Variants in MYO7B observed in about 807,000 individuals in gnomAD.
MYO7B encodes the protein myosin VIIB, also known as unconventional myosin-VIIb.
In MYO7B, 212 loss-of-function variants were observed where a neutral mutation model predicts 259.7. The observed-to-expected ratio is 0.82, with a 90% confidence interval of 0.73 to 0.91. The LOEUF is 0.91. MYO7B is among the 40% of genes least tolerant of loss of function. MYO7B has a pLI of 0.00. For missense variants in MYO7B, 2,732 were observed against 2,813.5 expected, an observed-to-expected ratio of 0.97 and a Z score of 0.66; for synonymous variants, 1,197 against 1,166.4, an observed-to-expected ratio of 1.03 and a Z score of -0.54.
At position 127,566,133 on chromosome 2, in the gene MYO7B, C is replaced by T. The variant is rs1166338092; in HGVS notation, c.286-510C>T. The stretch of plus-strand genomic sequence containing the variant: ...CTTTCCTAAAGTGAAAACCAGGACA[C>T]CATGGTCATGTGGCTTATTGTGCAG... On this transcript the variant is annotated intron_variant, in intron 4 of 47. Coordinates refer to ENST00000409816, the MANE Select transcript of MYO7B (RefSeq NM_001393586.1). Among the ~76,000 whole-genome samples the T allele has an allele frequency of 2.0e-5, 3 of 152,240 alleles. No homozygotes were observed. The East Asian group carries it at 5.8e-4, about 29-fold the overall frequency.
chr2:127,567,916 A>G (rs1021542294), intron 5 of MYO7B, among the ~76,000 whole-genome samples: 1 of 152,158 alleles, frequency 6.6e-6, no homozygotes, highest in South Asian at 2.1e-4. Flanking sequence ...TTCATTAGAT[A>G]GGGGGCAGGC....
intron 26 of MYO7B, among the ~76,000 whole-genome samples, chr2:127,618,515 C>T (rs1680679681): frequency 6.6e-6 from 1 of 152,218 alleles, no homozygotes; most frequent in Non-Finnish European, 1.5e-5. Context: ...AACACTTGTG[C>T]CTGGGTCGTG....
In MYO7B at chr2:127,614,050, G is replaced by T. The variant is rs964199010; in HGVS notation, c.3398+1447G>T. The stretch of plus-strand genomic sequence containing the variant: ...TTTAGCTGCCTGCATGACACTAGCT[G>T]GGCAAGTCTTCTGACTTAGCTGGTT... On this transcript the variant is annotated intron_variant, in intron 26 of 47. Coordinates refer to ENST00000409816, the MANE Select transcript of MYO7B (RefSeq NM_001393586.1). This position sits in a 1 kb window ranked among gnomAD's most constrained non-coding sequence, Gnocchi z 4.6. 1.3e-5 allele frequency among the ~76,000 whole-genome samples: 2 copies of T among 152,168 alleles called. No homozygotes were observed. The highest frequency in any genetic ancestry group is 2.9e-5 in the Non-Finnish European group (2 of 68,020).
At chr2:127,633,977 C>G (rs1288613683) in intron 40 of MYO7B, among the ~76,000 whole-genome samples, 199 bp from the exon 41 acceptor site, 1 of 152,230 alleles carries the variant, frequency 6.6e-6, no homozygotes, top group Non-Finnish European at 1.5e-5. Context: ...GCCTGCAGGG[C>G]CCCAGGACAG....
chr2:127,635,141 A>G lies in MYO7B; in HGVS notation c.5735A>G (p.Tyr1912Cys). The G allele has an allele frequency of 6.2e-7, 1 of 1,613,228 alleles. No homozygotes were observed. Among genetic ancestry groups the G allele is most frequent in the Non-Finnish European group, 8.5e-7 (1 of 1,179,656 alleles). ...CCAGGGGCCCCCGTGACGCTCCCCT[A>G]CCAGGTGTACTTCATGCGGAAATTG... ...QKEGAPVTLPYQVYFMRKLWL... is the reference protein window; with the variant it reads ...QKEGAPVTLPCQVYFMRKLWL... The change falls in exon 43 of 48, where the codon TAC (tyrosine) becomes TGC (cysteine). Residue 1912 changes from tyrosine to cysteine, a missense_variant. Tyr to Cys is a radical substitution (Grantham distance 194, BLOSUM62 -2). Transcript: ENST00000409816.
chr2:127,593,695 T>C (rs910049927), intron 18 of MYO7B, 51 bp downstream of exon 18: 8 of 1,527,364 alleles, frequency 5.2e-6, no homozygotes, highest in Non-Finnish European at 6.3e-6. Context: ...GCATGTGGGC[T>C]TGTCAGCTCT....
In MYO7B at chr2:127,584,240, C is replaced by T; in HGVS notation, c.1462C>T (p.His488Tyr). Reference sequence around the variant, plus strand: ...GGAGAACATCTCCTGGGACTATATCCACTACACCGACAATCGGCCCACCCT... The same window carrying T: ...GGAGAACATCTCCTGGGACTATATCTACTACACCGACAATCGGCCCACCCT... ...RSENISWDYI[H>Y]YTDNRPTLDL... The change falls in exon 13 of 48, where the codon CAC becomes TAC. Residue 488 changes from histidine to tyrosine, a missense_variant. By Grantham distance (83) the His-to-Tyr change is moderately conservative. Transcript: ENST00000409816. The surrounding 1 kb of genome is among the most constrained non-coding windows in gnomAD (Gnocchi z 5.8). 9.9e-6 allele frequency: 16 copies of T among 1,614,006 alleles called. No individual in the cohort carries two copies. Among genetic ancestry groups the T allele is most frequent in the Non-Finnish European group, 1.4e-5 (16 of 1,179,888 alleles).
At chr2:127,563,784 CT>C in intron 2 of MYO7B, among the ~76,000 whole-genome samples, 1 of 152,358 alleles carries the variant, frequency 6.6e-6, no homozygotes, top group South Asian at 2.1e-4. Flanking sequence ...GGATGCAACT[CT>C]TGCTACCGTC....
rs1295289090 is a variant in MYO7B at position 127,590,519 on chromosome 2, T to A, written c.1992+290T>A. On this transcript the variant is annotated intron_variant, in intron 16 of 47. Transcript: ENST00000409816. The surrounding 1 kb of genome is among the most constrained non-coding windows in gnomAD (Gnocchi z 4.6). The stretch of plus-strand genomic sequence containing the variant: ...TGTGAGCCTCAGTTTTCCCTTCTGT[T>A]AAGTCAGACTTGCTCCTGCCTGCAG... Among the ~76,000 whole-genome samples, 1 of 152,246 alleles carries A rather than the reference T, an allele frequency of 6.6e-6. No homozygotes were observed. Among genetic ancestry groups the A allele is most frequent in the African/African-American group, 2.4e-5 (1 of 41,462 alleles).
At chr2:127,594,528 G>A (rs564375966) in intron 18 of MYO7B, among the ~76,000 whole-genome samples, 155 of 152,338 alleles carry the variant, frequency 1.0e-3, no homozygotes, top group African/African-American at 3.6e-3. Flanking sequence ...GCTAAGATGC[G>A]CGGGAAGAAG....
At position 127,609,784 on chromosome 2, in the gene MYO7B, G is replaced by A. The variant is rs58719465; in HGVS notation, c.3025-65G>A. Reference sequence around the variant, plus strand: ...GCCTGGGGTGTGAGCTATGGCTCGGGGAAAGAAGGAAGGGGCCATAGTCAC... The same window carrying A: ...GCCTGGGGTGTGAGCTATGGCTCGGAGAAAGAAGGAAGGGGCCATAGTCAC... On this transcript the variant is annotated intron_variant, in intron 23 of 47. Transcript: ENST00000409816. This position sits in a 1 kb window ranked among gnomAD's most constrained non-coding sequence, Gnocchi z 6.9. The A allele has an allele frequency of 0.12, 192,972 of 1,610,846 alleles. 12,692 individuals are homozygous for A. The highest frequency in any genetic ancestry group is 0.17 in the Middle Eastern group (1,052 of 6,056).
At chr2:127,561,054 C>T (rs551415508) in intron 2 of MYO7B, among the ~76,000 whole-genome samples, 11 of 152,172 alleles carry the variant, frequency 7.2e-5, no homozygotes, top group East Asian at 1.9e-4. Flanking sequence ...AACATGAGAG[C>T]GTGGCTCCAC....
At chr2:127,554,604 T>C (rs1156716038) in intron 1 of MYO7B, among the ~76,000 whole-genome samples, 2 of 152,248 alleles carry the variant, frequency 1.3e-5, no homozygotes, top group African/African-American at 4.8e-5. Context: ...ATAGAATAAG[T>C]TAGGGAGGAT....
In MYO7B at chr2:127,609,435, G is replaced by T; in HGVS notation, c.2815-71G>T. On this transcript the variant is annotated intron_variant, in intron 22 of 47. Coordinates refer to ENST00000409816, the MANE Select transcript of MYO7B (RefSeq NM_001393586.1). The surrounding 1 kb of genome is among the most constrained non-coding windows in gnomAD (Gnocchi z 6.9). ...CAGCCCCCGTGCTGCCCGGCCTGCT[G>T]GACAGTCAGCTGATGGGTTGGTTGT... 2 of 1,429,240 alleles carry T rather than the reference G, an allele frequency of 1.4e-6. No individual in the cohort carries two copies. Among genetic ancestry groups the T allele is most frequent in the Non-Finnish European group, 1.9e-6 (2 of 1,036,738 alleles). The allele number at this position is 1,429,240 out of a possible 1,614,324, so 88.5% of individuals were successfully genotyped here.
At chr2:127,571,790 T>G (rs1304330649) in intron 6 of MYO7B, among the ~76,000 whole-genome samples, 4 of 152,078 alleles carry the variant, frequency 2.6e-5, no homozygotes, top group Non-Finnish European at 5.9e-5. Context: ...ATTAGTGAGT[T>G]TTAAGAGTTC....
chr2:127,623,190 A>G lies in MYO7B; in HGVS notation c.3646-12A>G. 6.2e-7 allele frequency: 1 copy of G among 1,612,940 alleles called. No individual in the cohort carries two copies. Among genetic ancestry groups the G allele is most frequent in the Non-Finnish European group, 8.5e-7 (1 of 1,179,486 alleles). On this transcript the variant is annotated splice_polypyrimidine_tract_variant and intron_variant, in intron 28 of 47. Transcript: ENST00000409816. ...CCAAGAGGCCAGGGAACTGAATCTC[A>G]TCTGTCCCCAGGCTGTCAAGTCCAA... is the stretch of plus-strand genomic sequence containing the variant.
intron 17 of MYO7B, 70 bp downstream of exon 17, chr2:127,593,016 C>T (rs1679627814): frequency 2.6e-6 from 4 of 1,529,792 alleles, no homozygotes; most frequent in East Asian, 4.9e-5. Context: ...CACCTCCAGC[C>T]CCCAGTACCG....
At chr2:127,603,062 G>C (rs966989926) in intron 19 of MYO7B, among the ~76,000 whole-genome samples, 1 of 150,756 alleles carries the variant, frequency 6.6e-6, no homozygotes, top group Non-Finnish European at 1.5e-5. Context: ...CAGCAAATTC[G>C]CCACATCTTC....
In MYO7B at chr2:127,581,986, T is replaced by C. The variant is rs761294449; in HGVS notation, c.1176T>C (p.Ala392=). Reference sequence around the variant, plus strand: ...GGTCCCTGAACATTGCCCAGGCTGCTGACCGGAGGGACGCCTTTGTCAAGG... The same window carrying C: ...GGTCCCTGAACATTGCCCAGGCTGCCGACCGGAGGGACGCCTTTGTCAAGG... ...VTRSLNIAQA[A]DRRDAFVKGI... Residue 392 remains alanine, a synonymous_variant, in exon 11 of 48, where the codon GCT becomes GCC. Coordinates refer to ENST00000409816, the MANE Select transcript of MYO7B (RefSeq NM_001393586.1). 3.1e-6 allele frequency: 5 copies of C among 1,613,832 alleles called. No individual in the cohort carries two copies. In the African/African-American group the frequency reaches 6.7e-5, roughly 22 times the overall value.
Sources: allele counts gnomAD v4.1 joint callset (sites outside exome capture counted in the v4.1 genomes callset), GRCh38; gene constraint gnomAD v4.1.1; non-coding constraint Gnocchi (gnomAD v3.1); transcripts MANE v1.5; gene names NCBI Gene and HGNC (gene_info 2026-07-23, HGNC 2026-07-21).